Variants in TRMT2A observed in about 807,000 individuals in gnomAD.
The protein encoded by TRMT2A is tRNA methyltransferase 2A.
TRMT2A carries 60 observed loss-of-function variants against 59.3 expected under a neutral mutation model. The ratio of observed to expected loss-of-function variants is 1.01; its 90% confidence interval spans 0.82 to 1.26. The LOEUF is 1.26. TRMT2A is among the 50% of genes most tolerant of loss of function. The probability of loss-of-function intolerance (pLI) is 0.00; values close to 1 mark genes in which losing one functional copy is unlikely to be tolerated. For synonymous variants in TRMT2A, 403 were observed against 353.7 expected (o/e 1.14, Z -1.56); for missense variants, 863 against 845.2 (o/e 1.02, Z -0.26).
In TRMT2A at chr22:20,113,784, G is replaced by T. The variant is rs976300562; in HGVS notation, c.1258C>A (p.Leu420Ile). ...FQVNTPAAEV[L>I]YTVIQDWAQL... Reference sequence around the variant, plus strand: ...GCCCAGTCCTGGATGACTGTGTAGAGCACCTCGGCTGCGGGTGTGTTCACC... The same window carrying T: ...GCCCAGTCCTGGATGACTGTGTAGATCACCTCGGCTGCGGGTGTGTTCACC... The change falls in exon 8 of 12, where the codon CTC becomes ATC. Residue 420 changes from leucine (L) to isoleucine (I), a missense_variant. Transcript: ENST00000252136. 10 of 1,594,874 alleles carry T rather than the reference G, an allele frequency of 6.3e-6. No individual in the cohort carries two copies. The highest frequency in any genetic ancestry group is 7.7e-6 in the Non-Finnish European group (9 of 1,168,936).
Position 20,112,350 on chromosome 22 carries a change from A to G in TRMT2A, c.*213T>C, listed in dbSNP as rs1163213412. On this transcript the variant is annotated 3_prime_UTR_variant, in exon 12 of 12. Coordinates refer to ENST00000252136, the MANE Select transcript of TRMT2A (RefSeq NM_022727.6). ...GCCCTCACAGCCTTGGCTAGTCCACAAAGGCCCTGGGGATGGGCAACAGGC... is the reference window on the plus strand; with the variant it reads ...GCCCTCACAGCCTTGGCTAGTCCACGAAGGCCCTGGGGATGGGCAACAGGC... The G allele has an allele frequency of 6.3e-5, 39 of 620,308 alleles. No homozygotes were observed. In the East Asian group the frequency reaches 6.9e-4, roughly 11 times the overall value. 38.4% of individuals were successfully genotyped at this position (620,308 alleles called of 1,614,324 possible).
In TRMT2A at chr22:20,116,489, C is replaced by G. The variant is rs2050024530; in HGVS notation, c.148G>C (p.Ala50Pro). Reference sequence around the variant, plus strand: ...CCGGGCTGAGGCCCCGGCCCTGTAGCCGCCCCAGCGCCCTCTTTCTCCACC... The same window carrying G: ...CCGGGCTGAGGCCCCGGCCCTGTAGGCGCCCCAGCGCCCTCTTTCTCCACC... ...EEVEKEGAGA[A>P]TGPGPQPGLY... The change falls in exon 2 of 12, where the codon GCT becomes CCT. Residue 50 changes from alanine to proline, a missense_variant. By Grantham distance (27) the Ala-to-Pro change is conservative (BLOSUM62 -1). Transcript: ENST00000252136. The G allele has an allele frequency of 6.2e-7, 1 of 1,612,840 alleles. No individual in the cohort carries two copies.
chr22:20,115,122 A>G (rs1169871950), intron 4 of TRMT2A, 43 bp from the exon 5 acceptor site: 4 of 1,564,990 alleles, frequency 2.6e-6, no homozygotes, highest in Non-Finnish European at 3.5e-6. Context: ...CAACTGGGCA[A>G]GCAGTCCCCC....
At chr22:20,115,858 G>A in intron 2 of TRMT2A, 78 bp from the exon 3 acceptor site, 1 of 1,453,192 alleles carries the variant, frequency 6.9e-7, no homozygotes, top group Non-Finnish European at 9.3e-7. Flanking sequence ...AAATGTCCAG[G>A]CTCCTGACCC....
Position 20,114,825 on chromosome 22 carries a change from A to G in TRMT2A, c.1057T>C (p.Phe353Leu), listed in dbSNP as rs746991605. 6.2e-7 allele frequency: 1 copy of G among 1,608,690 alleles called. No individual in the cohort carries two copies. Among genetic ancestry groups the G allele is most frequent in the South Asian group, 1.1e-5 (1 of 90,556 alleles). Residue 353 changes from phenylalanine to leucine, a missense_variant, in exon 6 of 12, where the codon TTC becomes CTC. Phe to Leu is a conservative substitution (Grantham distance 22). Transcript: ENST00000252136. ...AELKTSLAQH[F>L]TAGPGRASGV... ...CTGGCCCTGCCTGGCCCTGCTGTGA[A>G]GTGCTGCGCTAGGGAGGTCTTCAGC...
Position 20,115,734 on chromosome 22 carries a change from G to C in TRMT2A, c.646C>G (p.Gln216Glu). 1.9e-6 allele frequency: 3 copies of C among 1,612,670 alleles called. No individual in the cohort carries two copies. Among genetic ancestry groups the C allele is most frequent in the Non-Finnish European group, 2.5e-6 (3 of 1,179,736 alleles). Residue 216 changes from glutamine (Q) to glutamate (E), a missense_variant, in exon 3 of 12, where the codon CAG becomes GAG. Physicochemically the swap from Gln to Glu is conservative, Grantham distance 29. Coordinates refer to ENST00000252136, the MANE Select transcript of TRMT2A (RefSeq NM_022727.6). ...CAGGCCTTGTTGTGCTTGTGCCTCT[G>C]CTCGAGCAGCCAGGGCAGCAAGGCA... ...NRALLPWLLE[Q>E]RHKHNKACCP...
chr22:20,113,117 C>T lies in TRMT2A; in HGVS notation c.1549+1G>A, dbSNP rs139916507. 6.9e-6 allele frequency: 11 copies of T among 1,604,892 alleles called. No homozygotes were observed. The highest frequency in any genetic ancestry group is 4.4e-5 in the South Asian group (4 of 90,198). On this transcript the variant is annotated splice_donor_variant, in intron 10 of 11. Transcript: ENST00000252136. LOFTEE classifies it high-confidence loss of function. ...CACCTCCTTAAGCAAAAGCCACTCA[C>T]GCAAGCCAGCACGGGGTGGGTCCAG... is the stretch of plus-strand genomic sequence containing the variant.
In TRMT2A at chr22:20,115,385, G is replaced by A. The variant is rs1180758364; in HGVS notation, c.771C>T (p.Thr257=). 2 of 1,612,532 alleles carry A rather than the reference G, an allele frequency of 1.2e-6. No individual in the cohort carries two copies. The highest frequency in any genetic ancestry group is 1.7e-6 in the Non-Finnish European group (2 of 1,179,968). Residue 257 remains threonine (T), a synonymous_variant, in exon 4 of 12, where the codon ACC becomes ACT. Coordinates refer to ENST00000252136, the MANE Select transcript of TRMT2A (RefSeq NM_022727.6). ...TGTACTTGCCGAGCCGACAGCCCAC[G>A]GTGTTATCCTCCCCATCCACCCCGA... The part of the protein sequence containing the change: ...VGVGVDGEDN[T]VGCRLGKYKG...
chr22:20,115,766 G>A lies in TRMT2A; in HGVS notation c.614C>T (p.Thr205Ile). 3 of 1,608,580 alleles carry A rather than the reference G, an allele frequency of 1.9e-6. No individual in the cohort carries two copies. Among genetic ancestry groups the A allele is most frequent in the Non-Finnish European group, 2.6e-6 (3 of 1,176,430 alleles). ...CAGCCAGGGCAGCAAGGCACGGTTG[G>A]TGCTCCCGATTTCCCTGTAAGAGGA... Reference protein sequence around the residue: ...LQKLAKEIGSTNRALLPWLLE... With the variant: ...LQKLAKEIGSINRALLPWLLE... The change falls in exon 3 of 12, where the codon ACC becomes ATC. Residue 205 changes from threonine to isoleucine, a missense_variant. By Grantham distance (89) the Thr-to-Ile change is moderately conservative. Transcript: ENST00000252136.
intron 8 of TRMT2A, 89 bp downstream of exon 8, chr22:20,113,597 G>C (rs769418973): frequency 2.4e-5 from 39 of 1,605,612 alleles, no homozygotes; most frequent in Non-Finnish European, 3.2e-5. Flanking sequence ...CCTGGGGCAT[G>C]ATGGAGTCAG....
chr22:20,113,404 C>CCCCCCCCCCCCCCGCCCTT, intron 9 of TRMT2A, 28 bp downstream of exon 9: 5 of 1,511,266 alleles, frequency 3.3e-6, no homozygotes, highest in Non-Finnish European at 4.5e-6. Context: ...CCCCCATCCC[C>CCCCCCCCCCCCCCGCCCTT]ACCCCCACCC....
chr22:20,113,739 T>C lies in TRMT2A; in HGVS notation c.1303A>G (p.Met435Val), dbSNP rs752804978. ...GTGCCACAGCACACGTCCAGCACCA[T>C]GCTCCCCGCATCCAATTGGGCCCAG... ...QDWAQLDAGSMVLDVCCGTGT... is the reference protein window; with the variant it reads ...QDWAQLDAGSVVLDVCCGTGT... The change falls in exon 8 of 12, where the codon ATG (methionine) becomes GTG (valine). Residue 435 changes from methionine to valine, a missense_variant. Physicochemically the swap from Met to Val is conservative, Grantham distance 21. Transcript: ENST00000252136. 6.2e-7 allele frequency: 1 copy of C among 1,608,562 alleles called. No individual in the cohort carries two copies. The highest frequency in any genetic ancestry group is 1.1e-5 in the South Asian group (1 of 90,390).
intron 8 of TRMT2A, 85 bp from the exon 9 acceptor site, chr22:20,113,592 G>T (rs1298819020): frequency 1.2e-6 from 2 of 1,606,674 alleles, no homozygotes; most frequent in Admixed American, 3.4e-5. Context: ...CTGGGCCTGG[G>T]GCATGATGGA....
chr22:20,115,128 C>T, intron 4 of TRMT2A, 49 bp from the exon 5 acceptor site: 1 of 1,560,938 alleles, frequency 6.4e-7, no homozygotes, highest in Non-Finnish European at 8.7e-7. Flanking sequence ...GGCAAGCAGT[C>T]CCCCTGCTCT....
In TRMT2A at chr22:20,115,693, C is replaced by T. The variant is rs768934251; in HGVS notation, c.687G>A (p.Gly229=). ...KHNKACCPLE[G]VRPSPQQTEY... is the part of the protein sequence containing the mutation. ...TGACCTGCTGGGGTGATGGCCTGAC[C>T]CCCTCCAGCGGGCAGCAGGCCTTGT... Residue 229 remains glycine (G), a synonymous_variant, in exon 3 of 12, where the codon GGG becomes GGA. Coordinates refer to ENST00000252136, the MANE Select transcript of TRMT2A (RefSeq NM_022727.6). 3 of 1,612,948 alleles carry T rather than the reference C, an allele frequency of 1.9e-6. No homozygotes were observed. Among genetic ancestry groups the T allele is most frequent in the South Asian group, 2.2e-5 (2 of 91,078 alleles).
chr22:20,114,029 C>T (rs2049928800), intron 7 of TRMT2A, among the ~76,000 whole-genome samples: 1 of 152,230 alleles, frequency 6.6e-6, no homozygotes, highest in Admixed American at 6.5e-5. Context: ...AGCACAGCCT[C>T]CTCCTTGCCC....
intron 7 of TRMT2A, among the ~76,000 whole-genome samples, chr22:20,114,041 A>T (rs1272817341): frequency 6.6e-6 from 1 of 152,026 alleles, no homozygotes; most frequent in African/African-American, 2.4e-5. Flanking sequence ...TCCTTGCCCC[A>T]CTTGGTTGAG....
Position 20,115,692 on chromosome 22 carries a change from C to A in TRMT2A, c.688G>T (p.Val230Phe), listed in dbSNP as rs2049990875. ...HNKACCPLEG[V>F]RPSPQQTEYR... The stretch of plus-strand genomic sequence containing the variant: ...CTGACCTGCTGGGGTGATGGCCTGA[C>A]CCCCTCCAGCGGGCAGCAGGCCTTG... The change falls in exon 3 of 12, where the codon GTC (valine) becomes TTC (phenylalanine). Residue 230 changes from valine (V) to phenylalanine (F), a missense_variant. Coordinates refer to ENST00000252136, the MANE Select transcript of TRMT2A (RefSeq NM_022727.6). 8 of 1,612,954 alleles carry A rather than the reference C, an allele frequency of 5.0e-6. No individual in the cohort carries two copies. Among genetic ancestry groups the A allele is most frequent in the Non-Finnish European group, 6.8e-6 (8 of 1,180,000 alleles).
At chr22:20,116,002 C>T in intron 2 of TRMT2A, 36 bp downstream of exon 2, 1 of 1,526,050 alleles carries the variant, frequency 6.6e-7, no homozygotes, top group East Asian at 2.3e-5. Flanking sequence ...CCGGGCAGAG[C>T]CCTGGCCAAG....
Sources: gnomAD v4.1 joint callset for allele counts (sites outside exome capture counted in the v4.1 genomes callset) on GRCh38, gnomAD v4.1.1 for gene constraint, MANE v1.5 for transcripts, NCBI Gene and HGNC (gene_info 2026-07-23, HGNC 2026-07-21) for gene names.